RNF4: variants seen among roughly 807,000 people sequenced by gnomAD.
RNF4 encodes E3 ubiquitin-protein ligase RNF4.
In RNF4, 7 loss-of-function variants were observed where a neutral mutation model predicts 24.3. The ratio of observed to expected loss-of-function variants is 0.29; its 90% confidence interval spans 0.16 to 0.54. The LOEUF is 0.54. RNF4 is among the 20% of genes least tolerant of loss of function. The pLI, the probability that RNF4 is intolerant of heterozygous loss-of-function variation, is 0.95. For synonymous variants in RNF4, 83 were observed against 84.3 expected, an observed-to-expected ratio of 0.98 and a Z score of 0.09; for missense variants, 209 against 248.5, an observed-to-expected ratio of 0.84 and a Z score of 1.07.
At chr4:2,510,389 C>T (rs1304042642) in intron 4 of RNF4, among the ~76,000 whole-genome samples, 1 of 152,194 alleles carries the variant, frequency 6.6e-6, no homozygotes, top group Non-Finnish European at 1.5e-5. Context: ...AGGCGGCATC[C>T]ACCCCCTGCA....
At chr4:2,472,621 G>A (rs1578494120) in intron 1 of RNF4, among the ~76,000 whole-genome samples, 1 of 150,362 alleles carries the variant, frequency 6.7e-6, no homozygotes, top group Non-Finnish European at 1.5e-5. Context: ...AAAAAAAAAG[G>A]GCGGCAGGGG....
intron 2 of RNF4, among the ~76,000 whole-genome samples, chr4:2,492,508 C>G (rs186613178): frequency 1.4e-3 from 210 of 152,346 alleles, no homozygotes; most frequent in Non-Finnish European, 2.4e-3. Context: ...CATCTGTTGT[C>G]TGAGATCCTG....
chr4:2,513,526 C>T, intron 7 of RNF4, 144 bp from the exon 8 acceptor site: 2 of 915,450 alleles, frequency 2.2e-6, no homozygotes, highest in Non-Finnish European at 3.2e-6. Context: ...ACACAGTTAG[C>T]TCTCCAGACC....
At chr4:2,491,090 A>G (rs527851287) in intron 2 of RNF4, among the ~76,000 whole-genome samples, 73 of 152,274 alleles carry the variant, frequency 4.8e-4, no homozygotes, top group African/African-American at 1.5e-3. Context: ...AGTATTTGCA[A>G]CCCAGTTTTC....
At chr4:2,495,036 C>G (rs1424212701) in intron 2 of RNF4, among the ~76,000 whole-genome samples, 1 of 152,190 alleles carries the variant, frequency 6.6e-6, no homozygotes, top group Non-Finnish European at 1.5e-5. Flanking sequence ...AACCTGGTGG[C>G]TGCTGGGGAA....
Position 2,515,046 on chromosome 4 carries a change from A to G in RNF4, c.*1227A>G, listed in dbSNP as rs1736377298. On this transcript the variant is annotated 3_prime_UTR_variant, in exon 8 of 8. Coordinates refer to ENST00000314289, the MANE Select transcript of RNF4 (RefSeq NM_002938.5). The stretch of plus-strand genomic sequence containing the variant: ...CAAAGTGGCCCAAGCTGCCCCTGAC[A>G]GCACAGGGCCTGGGGGGTGGCTAAC... 1 of 64,094 alleles carries G rather than the reference A, an allele frequency of 1.6e-5. No homozygotes were observed. The highest frequency in any genetic ancestry group is 3.7e-5 in the Non-Finnish European group (1 of 26,850). 4.0% of individuals were successfully genotyped at this position (64,094 alleles called of 1,614,324 possible).
intron 4 of RNF4, chr4:2,505,428 C>G (rs1445163099): frequency 6.6e-6 from 1 of 151,636 alleles, no homozygotes; most frequent in East Asian, 1.9e-4. Flanking sequence ...TGGGTTCACA[C>G]CATTCTCCTG....
At chr4:2,498,493 ACT>A (rs1735804970) in intron 3 of RNF4, among the ~76,000 whole-genome samples, 1 of 152,068 alleles carries the variant, frequency 6.6e-6, no homozygotes, top group South Asian at 2.1e-4. Flanking sequence ...GGCCTAGAGC[ACT>A]GTTTTTGTAA....
intron 2 of RNF4, among the ~76,000 whole-genome samples, chr4:2,493,598 G>A (rs888022920): frequency 2.0e-5 from 3 of 151,820 alleles, no homozygotes; most frequent in Admixed American, 2.0e-4. Flanking sequence ...AAAAAAATTA[G>A]CTAAGCACAG....
intron 4 of RNF4, among the ~76,000 whole-genome samples, chr4:2,507,671 T>C (rs1395448932): frequency 6.6e-6 from 1 of 152,142 alleles, no homozygotes; most frequent in Non-Finnish European, 1.5e-5. Context: ...GCTTCTTTCA[T>C]GCAGAGGTGT....
chr4:2,485,919 T>G (rs149503344), intron 1 of RNF4, among the ~76,000 whole-genome samples: 3,589 of 152,202 alleles, frequency 0.024, 68 homozygotes, highest in Non-Finnish European at 0.036. Flanking sequence ...GAGGCAAGGG[T>G]TCCTTTTGGA....
At chr4:2,507,410 C>A (rs994542017) in intron 4 of RNF4, among the ~76,000 whole-genome samples, 1 of 152,336 alleles carries the variant, frequency 6.6e-6, no homozygotes, top group South Asian at 2.1e-4. Flanking sequence ...CACCAGTCTT[C>A]CCGACTTTCC....
chr4:2,477,981 A>G (rs1735131496), intron 1 of RNF4, among the ~76,000 whole-genome samples: 1 of 152,152 alleles, frequency 6.6e-6, no homozygotes, highest in South Asian at 2.1e-4. Context: ...AATGGCTTTG[A>G]CCAAAATGTT....
chr4:2,474,087 A>AG (rs1369452116), intron 1 of RNF4, among the ~76,000 whole-genome samples: 3 of 151,930 alleles, frequency 2.0e-5, no homozygotes, highest in African/African-American at 7.3e-5. Context: ...TCTCAAAAAA[A>AG]TAAAAGGGCC....
intron 3 of RNF4, among the ~76,000 whole-genome samples, chr4:2,498,247 G>T (rs1735797768): frequency 6.6e-6 from 1 of 151,908 alleles, no homozygotes; most frequent in South Asian, 2.1e-4. Flanking sequence ...GCAATCGCGT[G>T]ATCTCGGCTC....
chr4:2,493,926 T>C (rs1010779911), intron 2 of RNF4, among the ~76,000 whole-genome samples: 10 of 150,912 alleles, frequency 6.6e-5, no homozygotes, highest in Non-Finnish European at 1.2e-4. Context: ...CACTGCAACC[T>C]CTGCTGCCCG....
chr4:2,473,046 G>GA (rs1297927956), intron 1 of RNF4, among the ~76,000 whole-genome samples: 73 of 130,718 alleles, frequency 5.6e-4, no homozygotes, highest in African/African-American at 1.3e-3. Flanking sequence ...TCTCAAAAAA[G>GA]AAAAAAAAAA....
chr4:2,492,226 G>A (rs1735604040), intron 2 of RNF4, among the ~76,000 whole-genome samples: 1 of 151,268 alleles, frequency 6.6e-6, no homozygotes, highest in South Asian at 2.1e-4. Context: ...AATCATTTTT[G>A]TAGGCATGGA....
intron 1 of RNF4, among the ~76,000 whole-genome samples, chr4:2,489,368 T>G (rs1057218221): frequency 7.9e-5 from 12 of 152,034 alleles, no homozygotes; most frequent in Admixed American, 1.3e-4. Context: ...CACAGAAGGG[T>G]GGATGTGAGA....
Sources: allele counts gnomAD v4.1 joint callset (sites outside exome capture counted in the v4.1 genomes callset), GRCh38; gene constraint gnomAD v4.1.1; transcripts MANE v1.5; gene names NCBI Gene and HGNC (gene_info 2026-07-23, HGNC 2026-07-21).